CNTNAP3B: variants seen among roughly 807,000 people sequenced by gnomAD.
CNTNAP3B encodes the protein contactin-associated protein-like 3B.
A neutral mutation model predicts 108.9 loss-of-function variants in CNTNAP3B; 25 were observed. That is an observed-to-expected ratio of 0.23 (90% confidence interval 0.17 to 0.32). The LOEUF (loss-of-function observed/expected upper bound fraction) is 0.32, where lower values mean the gene tolerates loss of function less well. Among genes scored for constraint, CNTNAP3B ranks in the 10% least tolerant of loss-of-function variants. CNTNAP3B has a pLI of 1.00. For synonymous variants in CNTNAP3B, 103 were observed against 473.4 expected, an observed-to-expected ratio of 0.22 and a Z score of 10.16; for missense variants, 252 against 1,210.4, an observed-to-expected ratio of 0.21 and a Z score of 11.75.
At chr9:42,114,746 T>A (rs1268601421) in intron 1 of CNTNAP3B, among the ~76,000 whole-genome samples, 1 of 131,334 alleles carries the variant, frequency 7.6e-6, no homozygotes, top group Admixed American at 7.7e-5. Flanking sequence ...AGAAAAAACA[T>A]GTTCCACTGA....
intron 15 of CNTNAP3B, among the ~76,000 whole-genome samples, chr9:41,926,311 C>T (rs961801930): frequency 7.9e-5 from 12 of 152,156 alleles, no homozygotes; most frequent in African/African-American, 2.9e-4. Flanking sequence ...ATCCCCTAGT[C>T]CCAGCTGCCC....
At chr9:42,019,864 A>G (rs1242453039) in intron 3 of CNTNAP3B, among the ~76,000 whole-genome samples, 75 of 131,286 alleles carry the variant, frequency 5.7e-4, no homozygotes, top group African/African-American at 2.1e-3. Context: ...AAAGAAAGAA[A>G]TGTTAGAAAA....
At chr9:41,957,761 T>G (rs1227337335) in intron 12 of CNTNAP3B, among the ~76,000 whole-genome samples, 2 of 152,282 alleles carry the variant, frequency 1.3e-5, no homozygotes, top group Non-Finnish European at 2.9e-5. Flanking sequence ...TTTGTTTTGT[T>G]TGTTTTTTGG....
chr9:42,086,609 T>C (rs1428602381), intron 2 of CNTNAP3B, among the ~76,000 whole-genome samples: 1 of 92,922 alleles, frequency 1.1e-5, no homozygotes, highest in Non-Finnish European at 2.0e-5. Flanking sequence ...CACGTCCAGC[T>C]AATTTTTGTA....
At chr9:41,956,161 C>T (rs201044602) in intron 12 of CNTNAP3B, among the ~76,000 whole-genome samples, 33 of 152,152 alleles carry the variant, frequency 2.2e-4, no homozygotes, top group Admixed American at 5.9e-4. Flanking sequence ...CCGAGGCAGG[C>T]GGATTACGAG....
At chr9:41,962,732 G>A (rs1452980929) in intron 11 of CNTNAP3B, among the ~76,000 whole-genome samples, 1 of 150,970 alleles carries the variant, frequency 6.6e-6, no homozygotes, top group East Asian at 1.9e-4. Flanking sequence ...AAGGCAGGTG[G>A]ATCACAAGGT....
intron 3 of CNTNAP3B, among the ~76,000 whole-genome samples, chr9:42,054,448 T>G (rs1241559150): frequency 6.6e-6 from 1 of 151,648 alleles, no homozygotes; most frequent in Admixed American, 6.6e-5. Context: ...AGCCTTATAG[T>G]GCGTGACTGG....
chr9:42,078,963 G>C (rs1271398910), intron 2 of CNTNAP3B, among the ~76,000 whole-genome samples: 72 of 150,984 alleles, frequency 4.8e-4, no homozygotes, highest in African/African-American at 1.7e-3. Flanking sequence ...CTCTAGGTCA[G>C]GCAAAGAGTT....
chr9:42,087,771 C>G (rs1345083181), intron 2 of CNTNAP3B, among the ~76,000 whole-genome samples: 2 of 138,346 alleles, frequency 1.4e-5, no homozygotes, highest in Non-Finnish European at 3.1e-5. Flanking sequence ...CACACATTGG[C>G]AATGGGAGTA....
At chr9:42,127,915 C>A (rs542619847) in intron 1 of CNTNAP3B, among the ~76,000 whole-genome samples, 2 of 139,702 alleles carry the variant, frequency 1.4e-5, no homozygotes, top group Non-Finnish European at 3.1e-5. Flanking sequence ...CTGCTGAAAG[C>A]TACCCTTGGT....
chr9:41,935,745 G>T (rs1447623028), intron 14 of CNTNAP3B, among the ~76,000 whole-genome samples: 4 of 152,258 alleles, frequency 2.6e-5, no homozygotes, highest in South Asian at 2.1e-4. Flanking sequence ...AGGTTAAAAA[G>T]CAAATGACTC....
chr9:41,938,493 TGTGTGAGAGGC>T (rs1824227496), intron 13 of CNTNAP3B, 93 bp from the exon 14 acceptor site: 1 of 1,569,494 alleles, frequency 6.4e-7, no homozygotes, highest in Admixed American at 2.0e-5. Context: ...GTAAAGTGTA[TGTGTGAGAGGC>T]AGAGAGAGAG....
At chr9:42,062,407 C>T (rs1172187468) in intron 3 of CNTNAP3B, among the ~76,000 whole-genome samples, 1 of 61,156 alleles carries the variant, frequency 1.6e-5, no homozygotes, top group Non-Finnish European at 3.1e-5. Flanking sequence ...TCTATTTTAT[C>T]TGGTATAAGT....
At chr9:41,948,604 A>T (rs1408118311) in intron 13 of CNTNAP3B, among the ~76,000 whole-genome samples, 1 of 151,844 alleles carries the variant, frequency 6.6e-6, no homozygotes, top group Non-Finnish European at 1.5e-5. Flanking sequence ...AAATATTAAT[A>T]AATCAAACAC....
intron 13 of CNTNAP3B, among the ~76,000 whole-genome samples, chr9:41,950,452 A>G (rs1364588204): frequency 1.5e-5 from 2 of 131,046 alleles, no homozygotes; most frequent in Non-Finnish European, 3.3e-5. Flanking sequence ...TAAAAGCTTT[A>G]TTCATAATTG....
At chr9:41,958,206 C>T (rs1284418584) in intron 12 of CNTNAP3B, among the ~76,000 whole-genome samples, 4 of 152,292 alleles carry the variant, frequency 2.6e-5, no homozygotes, top group Admixed American at 2.0e-4. Context: ...CTCCCAGGCT[C>T]AAGCGATCCT....
rs1040635467 is a variant in CNTNAP3B, at chr9:42,093,514, GTTCAGTAGCA to G, written c.196+11105_196+11114del. On this transcript the variant is annotated intron_variant, in intron 2 of 23. Coordinates refer to ENST00000377561, the MANE Select transcript of CNTNAP3B (RefSeq NM_001201380.3). Reference sequence around the variant, plus strand: ...CCATTTGAACTGTTTTATATGTAAAGTTCAGTAGCATTAAGTACATTCACATTGTGCAACC... The same window carrying G: ...CCATTTGAACTGTTTTATATGTAAAGTTAAGTACATTCACATTGTGCAACC... 6.5e-4 allele frequency among the ~76,000 whole-genome samples: 56 copies of G among 85,698 alleles called. 17 individuals carry two copies. Among genetic ancestry groups the G allele is most frequent in the Non-Finnish European group, 1.2e-3 (49 of 41,728 alleles). 56.2% of individuals were successfully genotyped at this position (85,698 alleles called of 152,430 possible).
chr9:42,099,483 A>G (rs1165704166), intron 2 of CNTNAP3B, among the ~76,000 whole-genome samples: 1 of 130,774 alleles, frequency 7.6e-6, no homozygotes, highest in Admixed American at 7.7e-5. Context: ...ATTTGCTGAA[A>G]TGTTCTTCAC....
chr9:42,053,758 G>A (rs1827002682), intron 3 of CNTNAP3B, among the ~76,000 whole-genome samples: 3 of 144,314 alleles, frequency 2.1e-5, no homozygotes, highest in South Asian at 2.2e-4. Context: ...CTTAGAAACC[G>A]AGTCAGCAGC....
Sources: gnomAD v4.1 joint callset for allele counts (sites outside exome capture counted in the v4.1 genomes callset) on GRCh38, gnomAD v4.1.1 for gene constraint, MANE v1.5 for transcripts, NCBI Gene and HGNC (gene_info 2026-07-23, HGNC 2026-07-21) for gene names.